The following ZCWPW1 variants were observed in gnomAD, a reference collection of about 807,000 sequenced individuals.
ZCWPW1 encodes zinc finger CW-type and PWWP domain containing 1, also known as zinc finger CW-type PWWP domain protein 1.
ZCWPW1 carries 56 observed loss-of-function variants against 81.3 expected under a neutral mutation model. That is an observed-to-expected ratio of 0.69 (90% CI 0.56 to 0.86). ZCWPW1 has a LOEUF of 0.86. Ranked by LOEUF, ZCWPW1 falls within the 40% of genes least tolerant of loss-of-function variation. ZCWPW1 has a pLI of 0.00. For synonymous variants in ZCWPW1, 250 were observed against 273.7 expected, an observed-to-expected ratio of 0.91 and a Z score of 0.86; for missense variants, 650 against 769.8, an observed-to-expected ratio of 0.84 and a Z score of 1.84.
intron 4 of ZCWPW1, among the ~76,000 whole-genome samples, 195 bp from the exon 5 acceptor site, chr7:100,419,384 TATA>T (rs926672077): frequency 6.6e-6 from 1 of 152,142 alleles, no homozygotes; most frequent in Non-Finnish European, 1.5e-5. Context: ...GAGAAAAGTG[TATA>T]ATGTCTCTGT....
At chr7:100,415,624 C>T (rs530216641) in intron 8 of ZCWPW1, among the ~76,000 whole-genome samples, 1 of 152,258 alleles carries the variant, frequency 6.6e-6, no homozygotes, top group South Asian at 2.1e-4. Context: ...ATTCTCTCCT[C>T]CCCTGGGATC....
At chr7:100,414,797 C>G (rs992891732) in intron 8 of ZCWPW1, among the ~76,000 whole-genome samples, 5 of 152,032 alleles carry the variant, frequency 3.3e-5, no homozygotes, top group Non-Finnish European at 7.4e-5. Context: ...GAGGCCGAAG[C>G]GGGCAGATCA....
intron 15 of ZCWPW1, among the ~76,000 whole-genome samples, chr7:100,403,216 AT>A (rs11338339): frequency 0.18 from 25,542 of 140,942 alleles, 2,221 homozygotes; most frequent in Middle Eastern, 0.26. Flanking sequence ...TGTCTAAACA[AT>A]TTTTTTTTTT....
chr7:100,407,050 C>A (rs576557481), intron 11 of ZCWPW1, among the ~76,000 whole-genome samples, 178 bp downstream of exon 11: 3 of 152,136 alleles, frequency 2.0e-5, no homozygotes, highest in Non-Finnish European at 2.9e-5. Flanking sequence ...TAATTAGATA[C>A]AAGTTTGTTT....
At chr7:100,412,198 A>G (rs1794310485) in intron 8 of ZCWPW1, among the ~76,000 whole-genome samples, 1 of 152,196 alleles carries the variant, frequency 6.6e-6, no homozygotes, top group Non-Finnish European at 1.5e-5. Context: ...AAGCTCACTC[A>G]TTCCCATGGC....
Position 100,407,239 on chromosome 7 carries a change from C to G in ZCWPW1, c.1057G>C (p.Asp353His), listed in dbSNP as rs1793212344. The change falls in exon 11 of 18, where the codon GAT becomes CAT. Residue 353 changes from aspartate (D) to histidine (H), a missense_variant. Physicochemically the swap from Asp to His is moderately conservative, Grantham distance 81. Transcript: ENST00000684423. Reference protein sequence around the residue: ...GEYFLFTSHLDSLPSKYHVTF... With the variant: ...GEYFLFTSHLHSLPSKYHVTF... ...ACCAGGAAACTCACCGGCAGGGAAT[C>G]AAGATGGGAAGTAAAAAGAAAATAT... 1 of 1,613,888 alleles carries G rather than the reference C, an allele frequency of 6.2e-7. No individual in the cohort carries two copies. The highest frequency in any genetic ancestry group is 8.5e-7 in the Non-Finnish European group (1 of 1,179,918).
intron 12 of ZCWPW1, 131 bp downstream of exon 12, chr7:100,406,563 C>G: frequency 1.2e-6 from 1 of 834,122 alleles, no homozygotes; most frequent in Non-Finnish European, 1.9e-6. Flanking sequence ...TCATGAATTA[C>G]CTCACCCTTG....
At chr7:100,426,191 G>A (rs755911004) in intron 1 of ZCWPW1, among the ~76,000 whole-genome samples, 6 of 152,078 alleles carry the variant, frequency 3.9e-5, no homozygotes, top group Non-Finnish European at 7.4e-5. Context: ...TCAAAAAAGC[G>A]GTATTTAAAG....
chr7:100,409,576 TA>T, intron 8 of ZCWPW1, 32 bp from the exon 9 acceptor site: 1 of 1,471,834 alleles, frequency 6.8e-7, no homozygotes, highest in Non-Finnish European at 9.5e-7. Flanking sequence ...ATAAGAGACT[TA>T]AAAATATGCT....
At chr7:100,408,161 G>C (rs1793451400) in intron 10 of ZCWPW1, among the ~76,000 whole-genome samples, 1 of 152,074 alleles carries the variant, frequency 6.6e-6, no homozygotes, top group South Asian at 2.1e-4. Flanking sequence ...ATGTTGGCCA[G>C]GCTGGTCTCA....
At chr7:100,419,060 G>T in intron 5 of ZCWPW1, 51 bp downstream of exon 5, 1 of 1,474,440 alleles carries the variant, frequency 6.8e-7, no homozygotes, top group Non-Finnish European at 9.5e-7. Context: ...TCCCTCTCAG[G>T]TAACAGTCAC....
chr7:100,401,597 GA>G (rs1490524759), intron 17 of ZCWPW1, among the ~76,000 whole-genome samples: 4 of 152,092 alleles, frequency 2.6e-5, no homozygotes, highest in Non-Finnish European at 5.9e-5. Flanking sequence ...GAGAGCTATT[GA>G]AAAAAATTTA....
chr7:100,424,739 C>A (rs991285880), intron 2 of ZCWPW1, among the ~76,000 whole-genome samples: 2 of 152,138 alleles, frequency 1.3e-5, no homozygotes, highest in African/African-American at 4.8e-5. Flanking sequence ...GGATTACAGG[C>A]ATGACGCACC....
chr7:100,423,121 T>C (rs1022978347), intron 2 of ZCWPW1, among the ~76,000 whole-genome samples: 2 of 152,182 alleles, frequency 1.3e-5, no homozygotes, highest in African/African-American at 4.8e-5. Flanking sequence ...CTCCCCTTTC[T>C]ACAGATAAAA....
In ZCWPW1 at chr7:100,416,056, T is replaced by C. The variant is rs368819525; in HGVS notation, c.673A>G (p.Arg225Gly). Residue 225 changes from arginine to glycine, a missense_variant, in exon 8 of 18, where the codon AGA becomes GGA. By Grantham distance (125) the Arg-to-Gly change is moderately radical (BLOSUM62 -2). Transcript: ENST00000684423. ...VEKTQGGHEH[R>G]QEDRLKKTVQ... Reference sequence around the variant, plus strand: ...GTTTTCTTTAGTCGGTCTTCCTGTCTGTGCTCATGTCCACCTTGAGTTTTC... The same window carrying C: ...GTTTTCTTTAGTCGGTCTTCCTGTCCGTGCTCATGTCCACCTTGAGTTTTC... The C allele has an allele frequency of 9.4e-5, 151 of 1,614,014 alleles. No homozygotes were observed. Among genetic ancestry groups the C allele is most frequent in the Admixed American group, 4.2e-4 (25 of 60,012 alleles).
At position 100,419,671 on chromosome 7, in the gene ZCWPW1, T is replaced by G. The variant is rs764124783; in HGVS notation, c.241A>C (p.Arg81=). The G allele has an allele frequency of 6.2e-7, 1 of 1,612,602 alleles. No individual in the cohort carries two copies. Among genetic ancestry groups the G allele is most frequent in the Admixed American group, 1.7e-5 (1 of 59,556 alleles). The part of the protein sequence containing the change: ...NVPSREQEKK[R]KAQINKQAEK... ...GCTTGCTTGTTGATTTGTGCCTTTC[T>G]TTTTTTCTCCTGTTCCCTGCTTGGA... Residue 81 remains arginine, a synonymous_variant, in exon 4 of 18, where the codon AGA becomes CGA. Coordinates refer to ENST00000684423, the MANE Select transcript of ZCWPW1 (RefSeq NM_001386010.1).
At chr7:100,404,285 T>G (rs1471054933) in intron 13 of ZCWPW1, 41 bp from the exon 14 acceptor site, 8 of 1,586,836 alleles carry the variant, frequency 5.0e-6, no homozygotes, top group Middle Eastern at 1.7e-4. Flanking sequence ...CACTACCCTT[T>G]CAGGCGCAGC....
intron 2 of ZCWPW1, 54 bp from the exon 3 acceptor site, chr7:100,420,732 C>T: frequency 6.4e-7 from 1 of 1,564,958 alleles, no homozygotes. Flanking sequence ...AGATTTTAAA[C>T]TTTCTGTCTA....
chr7:100,407,379 T>G (rs1793253385), intron 10 of ZCWPW1, 76 bp from the exon 11 acceptor site: 1 of 1,306,942 alleles, frequency 7.7e-7, no homozygotes, highest in African/African-American at 1.5e-5. Context: ...TCAATGTACA[T>G]GCACAGAGAA....
Sources: allele counts gnomAD v4.1 joint callset (sites outside exome capture counted in the v4.1 genomes callset), GRCh38; gene constraint gnomAD v4.1.1; transcripts MANE v1.5; gene names NCBI Gene and HGNC (gene_info 2026-07-23, HGNC 2026-07-21).